STK33: variants seen among roughly 807,000 people sequenced by gnomAD.
The protein encoded by STK33 is serine/threonine kinase 33.
In STK33, 52 loss-of-function variants were observed where a neutral mutation model predicts 58.0. The ratio of observed to expected loss-of-function variants is 0.90; its 90% CI spans 0.72 to 1.13. The LOEUF (loss-of-function observed/expected upper bound fraction) is 1.13. STK33 is among the 50% of genes most tolerant of loss of function. The pLI is 0.00. For synonymous variants in STK33, 215 were observed against 200.1 expected, an observed-to-expected ratio of 1.07 and a Z score of -0.63; for missense variants, 630 against 604.2, an observed-to-expected ratio of 1.04 and a Z score of -0.45.
At chr11:8,504,806 A>G (rs561090470) in intron 1 of STK33, among the ~76,000 whole-genome samples, 21 of 152,258 alleles carry the variant, frequency 1.4e-4, no homozygotes, top group African/African-American at 4.8e-4. Flanking sequence ...CCTAAAAAAA[A>G]GGAAAATAAA....
chr11:8,402,160 T>C (rs1938139894), intron 15 of STK33, among the ~76,000 whole-genome samples: 1 of 152,192 alleles, frequency 6.6e-6, no homozygotes, highest in Non-Finnish European at 1.5e-5. Flanking sequence ...TAAAGACACA[T>C]GCACACGTAT....
intron 1 of STK33, among the ~76,000 whole-genome samples, chr11:8,563,514 G>T (rs1957250176): frequency 6.6e-6 from 1 of 152,150 alleles, no homozygotes; most frequent in Admixed American, 6.6e-5. Context: ...ATCTTGGGCA[G>T]GTCATCATAA....
At chr11:8,335,852 A>G in the STK33 span, among the ~76,000 whole-genome samples, 1 of 152,152 alleles carries the variant, frequency 6.6e-6, no homozygotes, top group African/African-American at 2.4e-5. Context: ...TGTATTTTAC[A>G]CTCACAGCAC....
At chr11:8,378,388 C>G in the STK33 span, among the ~76,000 whole-genome samples, 10 of 151,910 alleles carry the variant, frequency 6.6e-5, no homozygotes, top group Admixed American at 6.5e-5. Flanking sequence ...CATGGTGGTG[C>G]ATGCCTGTAA....
At chr11:8,448,221 A>C (rs1036300729) in intron 11 of STK33, among the ~76,000 whole-genome samples, 1 of 152,208 alleles carries the variant, frequency 6.6e-6, no homozygotes, top group African/African-American at 2.4e-5. Flanking sequence ...GGTAATTTAT[A>C]GATTCAATGC....
At chr11:8,563,256 G>A (rs1465643083) in intron 1 of STK33, among the ~76,000 whole-genome samples, 1 of 152,106 alleles carries the variant, frequency 6.6e-6, no homozygotes, top group East Asian at 1.9e-4. Flanking sequence ...AGCTGTTGGA[G>A]TAAACCTAAC....
intron 1 of STK33, among the ~76,000 whole-genome samples, chr11:8,561,734 G>A (rs1957125687): frequency 1.3e-5 from 2 of 152,230 alleles, no homozygotes; most frequent in South Asian, 4.1e-4. Flanking sequence ...TATGGCATAA[G>A]CCTAACTTGA....
intron 1 of STK33, among the ~76,000 whole-genome samples, chr11:8,534,752 T>C (rs949330103): frequency 1.3e-5 from 2 of 152,050 alleles, no homozygotes; most frequent in African/African-American, 4.8e-5. Flanking sequence ...TTATACTGTT[T>C]TGAGTGGCAT....
chr11:8,495,140 C>T (rs1484774309), intron 1 of STK33, among the ~76,000 whole-genome samples: 2 of 152,084 alleles, frequency 1.3e-5, no homozygotes, highest in South Asian at 2.1e-4. Flanking sequence ...AAAGAAACTA[C>T]CCTCAGAGTG....
chr11:8,404,034 C>T (rs545673642), intron 15 of STK33, among the ~76,000 whole-genome samples: 3 of 152,228 alleles, frequency 2.0e-5, no homozygotes, highest in African/African-American at 7.2e-5. Context: ...TGCACAAGGT[C>T]CAAATGACAA....
intron 1 of STK33, among the ~76,000 whole-genome samples, chr11:8,496,104 T>C (rs567095824): frequency 6.6e-6 from 1 of 151,382 alleles, no homozygotes; most frequent in Admixed American, 6.6e-5. Context: ...TAATAAAAAA[T>C]TTTTTTTGAA....
chr11:8,493,544 C>T (rs924825220), intron 1 of STK33, among the ~76,000 whole-genome samples: 4 of 152,156 alleles, frequency 2.6e-5, no homozygotes, highest in Non-Finnish European at 2.9e-5. Flanking sequence ...ACCATTCCTT[C>T]TGAAACGATT....
chr11:8,388,973 G>A (rs1417205503), downstream of STK33, among the ~76,000 whole-genome samples: 1 of 151,814 alleles, frequency 6.6e-6, no homozygotes, highest in Non-Finnish European at 1.5e-5. Context: ...ACTGTACTTT[G>A]GTAGGAGACT....
the STK33 span, among the ~76,000 whole-genome samples, chr11:8,364,582 A>G: frequency 1.3e-5 from 2 of 152,124 alleles, no homozygotes; most frequent in Admixed American, 6.5e-5. Flanking sequence ...CACTACTCAC[A>G]GTTTAAAATA....
intron 1 of STK33, among the ~76,000 whole-genome samples, chr11:8,484,561 C>T (rs1349665399): frequency 6.6e-6 from 1 of 152,170 alleles, no homozygotes; most frequent in African/African-American, 2.4e-5. Context: ...ATTCTGAATG[C>T]TACAAGGCAC....
At chr11:8,495,652 T>G (rs1246747340) in intron 1 of STK33, among the ~76,000 whole-genome samples, 1 of 152,172 alleles carries the variant, frequency 6.6e-6, no homozygotes, top group Non-Finnish European at 1.5e-5. Flanking sequence ...CGCACATGTA[T>G]ATTTATTGTG....
At chr11:8,492,748 T>G (rs1038478983) in intron 1 of STK33, among the ~76,000 whole-genome samples, 7 of 152,154 alleles carry the variant, frequency 4.6e-5, no homozygotes, top group Admixed American at 6.5e-5. Flanking sequence ...ACAAACTGTC[T>G]CTCATATGAC....
At chr11:8,380,509 G>A in the STK33 span, among the ~76,000 whole-genome samples, 4 of 150,100 alleles carry the variant, frequency 2.7e-5, no homozygotes, top group Non-Finnish European at 4.4e-5. Flanking sequence ...GCAGCGAGCC[G>A]AGATCATGCC....
chr11:8,441,376 G>A (rs1192811348), intron 11 of STK33, among the ~76,000 whole-genome samples: 2 of 151,150 alleles, frequency 1.3e-5, no homozygotes, highest in Non-Finnish European at 2.9e-5. Context: ...TTTTGAGACA[G>A]GGTCTCACTC....
Sources: gnomAD v4.1 joint callset for allele counts (sites outside exome capture counted in the v4.1 genomes callset) on GRCh38, gnomAD v4.1.1 for gene constraint, MANE v1.5 for transcripts, NCBI Gene and HGNC (gene_info 2026-07-23, HGNC 2026-07-21) for gene names.